EVI5: variants seen among roughly 807,000 people sequenced by gnomAD.
EVI5 encodes the protein ecotropic viral integration site 5.
In EVI5, 73 loss-of-function variants were observed where a neutral mutation model predicts 112.0. The observed-to-expected ratio is 0.65, with a 90% CI of 0.54 to 0.79. EVI5 has a LOEUF of 0.79. Ranked by LOEUF, EVI5 falls within the 30% of genes least tolerant of loss-of-function variation. The probability of loss-of-function intolerance (pLI) is 0.00; values close to 1 mark genes in which losing one functional copy is unlikely to be tolerated. For missense variants in EVI5, 900 were observed against 968.8 expected, an observed-to-expected ratio of 0.93 and a Z score of 0.94; for synonymous variants, 305 against 319.9, an observed-to-expected ratio of 0.95 and a Z score of 0.50.
chr1:92,519,230 A>T (rs1660456720), intron 19 of EVI5, among the ~76,000 whole-genome samples: 1 of 152,212 alleles, frequency 6.6e-6, no homozygotes, highest in Non-Finnish European at 1.5e-5. Context: ...TCCAGTACAA[A>T]AGTATGGCAA....
At chr1:92,755,439 C>T (rs2102952464) in intron 1 of EVI5, among the ~76,000 whole-genome samples, 1 of 151,950 alleles carries the variant, frequency 6.6e-6, no homozygotes, top group South Asian at 2.1e-4. Context: ...CCAAAAAACC[C>T]AAAAACAAAA....
intron 2 of EVI5, among the ~76,000 whole-genome samples, chr1:92,710,294 G>T (rs547873754): frequency 6.6e-6 from 1 of 152,028 alleles, no homozygotes; most frequent in South Asian, 2.1e-4. Context: ...AGTGTGCCAT[G>T]ATTGCACTGC....
rs536310732 is a variant in EVI5, at chr1:92,584,678, T to C, written c.2070+20629A>G. 6.6e-5 allele frequency among the ~76,000 whole-genome samples: 10 copies of C among 152,348 alleles called. No individual in the cohort carries two copies. The East Asian group carries it at 1.9e-3, about 29-fold the overall frequency. On this transcript the variant is annotated intron_variant, in intron 18 of 19. Transcript: ENST00000684568. ...AAATCATACTCATATCATGTACTAC[T>C]GATAAGTTTTTGAAACAGTTTCCTG...
At chr1:92,642,127 T>C (rs1660097728) in intron 13 of EVI5, among the ~76,000 whole-genome samples, 1 of 149,142 alleles carries the variant, frequency 6.7e-6, no homozygotes, top group African/African-American at 2.5e-5. Flanking sequence ...CGATACTCCA[T>C]CCCAAAAAAA....
chr1:92,637,382 A>G (rs1018714875), intron 13 of EVI5, among the ~76,000 whole-genome samples: 4 of 140,112 alleles, frequency 2.9e-5, no homozygotes, highest in Non-Finnish European at 6.2e-5. Context: ...TTGTCTCAAG[A>G]AAAAAAAAAA....
intron 18 of EVI5, among the ~76,000 whole-genome samples, chr1:92,582,084 C>T (rs887886819): frequency 6.6e-6 from 1 of 152,120 alleles, no homozygotes; most frequent in Non-Finnish European, 1.5e-5. Flanking sequence ...ATGGTAGTGC[C>T]CACTATACAT....
Position 92,662,849 on chromosome 1 carries a change from GCTCTTGTC to G in EVI5, c.1254_1261del (p.Thr419ProfsTer4). 1 of 1,287,324 alleles carries G rather than the reference GCTCTTGTC, an allele frequency of 7.8e-7. No homozygotes were observed. The highest frequency in any genetic ancestry group is 1.0e-6 in the Non-Finnish European group (1 of 988,198). 79.7% of individuals were successfully genotyped at this position (1,287,324 alleles called of 1,614,324 possible). ...GAGGTAGTTTTCCTCAGCCTCCTGGGCTCTTGTCACTTGTCCCTTAGGACATAATTTTT... is the reference window on the plus strand; with the variant it reads ...GAGGTAGTTTTCCTCAGCCTCCTGGGACTTGTCCCTTAGGACATAATTTTT... On this transcript the variant is annotated frameshift_variant, in exon 13 of 20. Transcript: ENST00000684568. LOFTEE classifies it high-confidence loss of function.
At chr1:92,609,549 G>T (rs553303338) in intron 16 of EVI5, among the ~76,000 whole-genome samples, 3 of 152,168 alleles carry the variant, frequency 2.0e-5, no homozygotes, top group South Asian at 4.2e-4. Context: ...GTAGAGACAG[G>T]GTTTCATCAT....
At chr1:92,522,622 C>T (rs1238622688) in intron 19 of EVI5, among the ~76,000 whole-genome samples, 1 of 82,824 alleles carries the variant, frequency 1.2e-5, no homozygotes, top group African/African-American at 5.6e-5. Flanking sequence ...CAGAGCAAGA[C>T]TCCATCTCCA....
chr1:92,587,584 T>C (rs1557845565), intron 18 of EVI5, among the ~76,000 whole-genome samples: 1 of 152,202 alleles, frequency 6.6e-6, no homozygotes. Flanking sequence ...TACATACTGA[T>C]CTGAGCACAG....
chr1:92,618,753 G>A (rs1027917767), intron 16 of EVI5, among the ~76,000 whole-genome samples: 7 of 152,288 alleles, frequency 4.6e-5, no homozygotes, highest in South Asian at 2.1e-4. Context: ...ATACCACTAC[G>A]TGACCAGCTG....
chr1:92,566,541 T>G (rs1367794719), intron 18 of EVI5, among the ~76,000 whole-genome samples: 1 of 152,220 alleles, frequency 6.6e-6, no homozygotes. Flanking sequence ...ATGACTATGT[T>G]ACAGATTTAT....
At chr1:92,699,502 G>C (rs750151712) in intron 5 of EVI5, among the ~76,000 whole-genome samples, 3 of 152,128 alleles carry the variant, frequency 2.0e-5, no homozygotes, top group Non-Finnish European at 4.4e-5. Context: ...TCCTAAGGTA[G>C]TTGTTTTCTC....
intron 1 of EVI5, among the ~76,000 whole-genome samples, chr1:92,740,841 T>C (rs1217678559): frequency 6.6e-6 from 1 of 152,224 alleles, no homozygotes; most frequent in African/African-American, 2.4e-5. Context: ...TTCAGTATCT[T>C]TGTTAATTGT....
chr1:92,573,671 T>C (rs569337071), intron 18 of EVI5, among the ~76,000 whole-genome samples: 5 of 152,252 alleles, frequency 3.3e-5, no homozygotes, highest in African/African-American at 7.2e-5. Flanking sequence ...TCAGTTTCAC[T>C]TCACATTATT....
chr1:92,762,149 CACG>C (rs1404237404), intron 1 of EVI5, among the ~76,000 whole-genome samples: 1 of 152,134 alleles, frequency 6.6e-6, no homozygotes, highest in Admixed American at 6.5e-5. Context: ...ATAATGGTAA[CACG>C]ACAATTATCT....
At chr1:92,728,670 G>C (rs1675995048) in intron 2 of EVI5, among the ~76,000 whole-genome samples, 3 of 152,188 alleles carry the variant, frequency 2.0e-5, no homozygotes, top group Admixed American at 2.0e-4. Flanking sequence ...TTACAGGCAT[G>C]AGCCACCGGG....
At chr1:92,761,130 TA>T (rs1681804540) in intron 1 of EVI5, among the ~76,000 whole-genome samples, 3 of 151,786 alleles carry the variant, frequency 2.0e-5, no homozygotes, top group Admixed American at 6.6e-5. Flanking sequence ...ACCTATGTCA[TA>T]TTTTTTTAAT....
chr1:92,780,745 T>A (rs1416328569), intron 1 of EVI5, among the ~76,000 whole-genome samples: 1 of 152,014 alleles, frequency 6.6e-6, no homozygotes, highest in Non-Finnish European at 1.5e-5. Flanking sequence ...CAGTGGGTCA[T>A]GCCTAAATCC....
Sources: allele counts gnomAD v4.1 joint callset (sites outside exome capture counted in the v4.1 genomes callset), GRCh38; gene constraint gnomAD v4.1.1; transcripts MANE v1.5; gene names NCBI Gene and HGNC (gene_info 2026-07-23, HGNC 2026-07-21).